The following ADRA1A variants were observed in gnomAD, a reference collection of about 807,000 sequenced individuals.
The protein encoded by ADRA1A is alpha-1A adrenergic receptor.
ADRA1A carries 31 observed loss-of-function variants against 29.6 expected under a neutral mutation model. The observed-to-expected ratio is 1.05, with a 90% confidence interval of 0.79 to 1.41. ADRA1A has a LOEUF of 1.41. Among genes scored for constraint, ADRA1A ranks in the 40% most tolerant of loss-of-function variants. The probability of loss-of-function intolerance (pLI) is 0.00; values close to 1 mark genes in which losing one functional copy is unlikely to be tolerated. For missense variants in ADRA1A, 619 were observed against 601.1 expected, an observed-to-expected ratio of 1.03 and a Z score of -0.31; for synonymous variants, 311 against 254.3, an observed-to-expected ratio of 1.22 and a Z score of -2.12.
At chr8:26,840,070 G>A (rs1811706973) in intron 2 of ADRA1A, among the ~76,000 whole-genome samples, 1 of 152,226 alleles carries the variant, frequency 6.6e-6, no homozygotes, top group Non-Finnish European at 1.5e-5. Flanking sequence ...CTTGGCTGGG[G>A]TTGTTGAATC....
intron 2 of ADRA1A, among the ~76,000 whole-genome samples, chr8:26,783,030 C>T (rs1472069619): frequency 1.3e-5 from 2 of 152,184 alleles, no homozygotes; most frequent in Admixed American, 1.3e-4. Flanking sequence ...GCCACCACCA[C>T]GTCTAGCTAG....
At position 26,774,060 on chromosome 8, in the gene ADRA1A, G is replaced by A. The variant is rs557581051; in HGVS notation, c.884-3394C>T. On this transcript the variant is annotated intron_variant, in intron 2 of 2. Coordinates refer to ENST00000380573, the MANE Select transcript of ADRA1A (RefSeq NM_000680.4). ...CAGGAATATTTTCTTTTTAATCCAAGCAAATCTCTAGATTTTGGCTTATGC... is the reference window on the plus strand; with the variant it reads ...CAGGAATATTTTCTTTTTAATCCAAACAAATCTCTAGATTTTGGCTTATGC... Among the ~76,000 whole-genome samples, 13 of 152,306 alleles carry A rather than the reference G, an allele frequency of 8.5e-5. No individual in the cohort carries two copies. The South Asian group carries it at 2.7e-3, about 32-fold the overall frequency.
chr8:26,855,603 G>C (rs1812989296), intron 2 of ADRA1A, among the ~76,000 whole-genome samples: 1 of 152,108 alleles, frequency 6.6e-6, no homozygotes, highest in African/African-American at 2.4e-5. Flanking sequence ...AGAGGAGGGA[G>C]AGCATTAGGA....
At chr8:26,762,012 T>C (rs1278843894), downstream of ADRA1A, among the ~76,000 whole-genome samples, 1 of 152,114 alleles carries the variant, frequency 6.6e-6, no homozygotes, top group African/African-American at 2.4e-5. This position sits in a 1 kb window ranked among gnomAD's most constrained non-coding sequence, Gnocchi z 4.0. Context: ...CCAGGTTTAC[T>C]TTATGGGATT....
intron 2 of ADRA1A, among the ~76,000 whole-genome samples, chr8:26,780,069 T>C (rs1028065829): frequency 6.6e-6 from 1 of 152,182 alleles, no homozygotes; most frequent in Non-Finnish European, 1.5e-5. Flanking sequence ...ATGCATTATC[T>C]TTTTGTTGCT....
chr8:26,842,366 T>G (rs753135958), intron 2 of ADRA1A, among the ~76,000 whole-genome samples: 9 of 152,218 alleles, frequency 5.9e-5, no homozygotes, highest in Non-Finnish European at 1.3e-4. Context: ...TGATCAATAC[T>G]AAAGGTTTTC....
chr8:26,781,920 G>T lies in ADRA1A; in HGVS notation c.884-11254C>A, dbSNP rs1253239172. On this transcript the variant is annotated intron_variant, in intron 2 of 2. Coordinates refer to ENST00000380573, the MANE Select transcript of ADRA1A (RefSeq NM_000680.4). The stretch of plus-strand genomic sequence containing the variant: ...TTGCCAGAAAGGACACAGGTGAGTT[G>T]GCTGATGCTTGAATAGTCACAGGTG... Among the ~76,000 whole-genome samples the T allele has an allele frequency of 2.0e-5, 3 of 152,332 alleles. No individual in the cohort carries two copies. The East Asian group carries it at 5.8e-4, about 29-fold the overall frequency.
At chr8:26,858,949 A>T in intron 2 of ADRA1A, 3 of 891,636 alleles carry the variant, frequency 3.4e-6, no homozygotes, top group Non-Finnish European at 2.9e-6. Context: ...ACCCAGCCTT[A>T]GTGGAAAGAA....
chr8:26,778,363 T>C (rs570351242), intron 2 of ADRA1A, among the ~76,000 whole-genome samples: 1 of 152,286 alleles, frequency 6.6e-6, no homozygotes, highest in African/African-American at 2.4e-5. Context: ...ATTTAAAAGA[T>C]TATTTGTTCA....
intron 2 of ADRA1A, among the ~76,000 whole-genome samples, chr8:26,820,065 G>C (rs1415784612): frequency 1.3e-5 from 2 of 151,946 alleles, no homozygotes; most frequent in Non-Finnish European, 2.9e-5. Flanking sequence ...AACTGTAAGT[G>C]CACCCAACAC....
At chr8:26,764,458 G>C (rs1215902129), downstream of ADRA1A, among the ~76,000 whole-genome samples, 1 of 152,210 alleles carries the variant, frequency 6.6e-6, no homozygotes, top group Non-Finnish European at 1.5e-5. Flanking sequence ...AGGCAGGAGA[G>C]AAAGTGCCAA....
chr8:26,854,427 G>GTGC (rs531816542), intron 2 of ADRA1A: 1 of 116,990 alleles, frequency 8.5e-6, no homozygotes, highest in Non-Finnish European at 1.8e-5. Context: ...GCGGGGCGGG[G>GTGC]GGGGGGAGCA....
rs1424972448 is a variant in ADRA1A, at chr8:26,823,574, C to A, written c.883+40513G>T. Among the ~76,000 whole-genome samples the A allele has an allele frequency of 1.3e-5, 2 of 152,198 alleles. No individual in the cohort carries two copies. The highest frequency in any genetic ancestry group is 1.5e-5 in the Non-Finnish European group (1 of 68,036). On this transcript the variant is annotated intron_variant, in intron 2 of 2. Transcript: ENST00000380573. This position sits in a 1 kb window ranked among gnomAD's most constrained non-coding sequence, Gnocchi z 4.2. Reference sequence around the variant, plus strand: ...GACAAATGCACTGGTTCGGGGAGCGCTGGGCTAAGGATCAGGCTGCTTGGG... The same window carrying A: ...GACAAATGCACTGGTTCGGGGAGCGATGGGCTAAGGATCAGGCTGCTTGGG...
At position 26,821,549 on chromosome 8, in the gene ADRA1A, T is replaced by C. The variant is rs1444828104; in HGVS notation, c.883+42538A>G. Among the ~76,000 whole-genome samples, 1 of 152,128 alleles carries C rather than the reference T, an allele frequency of 6.6e-6. No homozygotes were observed. The highest frequency in any genetic ancestry group is 1.5e-5 in the Non-Finnish European group (1 of 68,022). ...TCCCACCAGGCCCCACCTCCAACAT[T>C]GGGAATCACATTTCAACACGAGATT... is the stretch of plus-strand genomic sequence containing the variant. On this transcript the variant is annotated intron_variant, in intron 2 of 2. Transcript: ENST00000380573. This position sits in a 1 kb window ranked among gnomAD's most constrained non-coding sequence, Gnocchi z 5.6.
intron 2 of ADRA1A, among the ~76,000 whole-genome samples, chr8:26,812,879 G>A (rs776075719): frequency 6.6e-5 from 10 of 151,910 alleles, no homozygotes; most frequent in Non-Finnish European, 1.5e-4. Context: ...TGTTAGCCAG[G>A]ATGGTCTCGA....
At chr8:26,828,284 C>CT (rs1000445817) in intron 2 of ADRA1A, among the ~76,000 whole-genome samples, 16 of 152,100 alleles carry the variant, frequency 1.1e-4, no homozygotes, top group Admixed American at 5.2e-4. Context: ...TCTGCCTTTT[C>CT]TTTTTTTTCT....
intron 2 of ADRA1A, among the ~76,000 whole-genome samples, chr8:26,748,987 G>C (rs61759699): frequency 4.2e-4 from 64 of 152,202 alleles, no homozygotes; most frequent in Non-Finnish European, 7.9e-4. Flanking sequence ...TTGTGGTCAA[G>C]GTTAGTATTA....
At chr8:26,794,325 G>A (rs934649451) in intron 2 of ADRA1A, among the ~76,000 whole-genome samples, 1 of 152,018 alleles carries the variant, frequency 6.6e-6, no homozygotes, top group Admixed American at 6.6e-5. Flanking sequence ...GAGAAAAAGT[G>A]AAATTTAGGA....
At chr8:26,756,487 G>A (rs554630372) in exon 3 of ADRA1A, 25 of 1,494,282 alleles carry the variant, frequency 1.7e-5, no homozygotes, top group South Asian at 4.9e-5. Flanking sequence ...ACAAAAAATC[G>A]AGCTATTTGT....
Sources: gnomAD v4.1 joint callset for allele counts (sites outside exome capture counted in the v4.1 genomes callset) on GRCh38, gnomAD v4.1.1 for gene constraint, Gnocchi (gnomAD v3.1) non-coding constraint, MANE v1.5 for transcripts, NCBI Gene and HGNC (gene_info 2026-07-23, HGNC 2026-07-21) for gene names.